The following ADAM22 variants were observed in gnomAD, a reference collection of about 807,000 sequenced individuals.
ADAM22 encodes the protein disintegrin and metalloproteinase domain-containing protein 22.
ADAM22 carries 65 observed loss-of-function variants against 144.6 expected under a neutral mutation model. The observed-to-expected ratio is 0.45, with a 90% confidence interval of 0.37 to 0.55. The LOEUF (loss-of-function observed/expected upper bound fraction) is 0.55. Among genes scored for constraint, ADAM22 ranks in the 20% least tolerant of loss-of-function variants. The pLI, the probability that ADAM22 is intolerant of heterozygous loss-of-function variation, is 0.00. For synonymous variants in ADAM22, 391 were observed against 412.6 expected (o/e 0.95, Z 0.63); for missense variants, 974 against 1,184.9 (o/e 0.82, Z 2.61).
At chr7:88,003,860 G>A (rs1793162903) in intron 3 of ADAM22, among the ~76,000 whole-genome samples, 1 of 152,162 alleles carries the variant, frequency 6.6e-6, no homozygotes, top group South Asian at 2.1e-4. Flanking sequence ...ACGAACATAT[G>A]GAACCAGGGA....
intron 2 of ADAM22, among the ~76,000 whole-genome samples, chr7:87,958,729 G>A (rs1305941212): frequency 1.3e-5 from 2 of 152,078 alleles, no homozygotes; most frequent in African/African-American, 4.8e-5. Context: ...ATGGTATCTA[G>A]TTATTTTACT....
chr7:88,139,418 C>CTAAA (rs35764191), intron 14 of ADAM22, among the ~76,000 whole-genome samples: 13,920 of 146,136 alleles, frequency 0.095, 909 homozygotes, highest in African/African-American at 0.17. Flanking sequence ...GACTCCATCT[C>CTAAA]TAAATAAATA....
At position 88,202,234 on chromosome 7, in the gene ADAM22, TAACTGCAA is replaced by T. The variant is rs1851253262; in HGVS notation, c.*5750_*5757del. 6.6e-6 allele frequency: 1 copy of T among 152,112 alleles called. No individual in the cohort carries two copies. Among genetic ancestry groups the T allele is most frequent in the African/African-American group, 2.4e-5 (1 of 41,410 alleles). The allele number at this position is 152,112 out of a possible 1,614,324, so 9.4% of individuals were successfully genotyped here. A position where few individuals can be genotyped will look rare whatever the true frequency, so the allele number is the denominator to read the frequency against. ...GTATGGAAAACTTTTTTTTTTACAC[TAACTGCAA>T]AACTGCTTTAAAAAAAGGCTTATTC... On this transcript the variant is annotated 3_prime_UTR_variant, in exon 32 of 32. Coordinates refer to ENST00000413139, the MANE Select transcript of ADAM22 (RefSeq NM_001324418.2).
chr7:88,119,336 T>C (rs934293910), intron 7 of ADAM22, among the ~76,000 whole-genome samples: 16 of 152,244 alleles, frequency 1.1e-4, no homozygotes, highest in African/African-American at 2.2e-4. Flanking sequence ...ACCTCTGCCA[T>C]TCCTTTTGTC....
intron 4 of ADAM22, among the ~76,000 whole-genome samples, chr7:88,101,037 T>C (rs1193439235): frequency 6.6e-6 from 1 of 150,874 alleles, no homozygotes; most frequent in Non-Finnish European, 1.5e-5. Context: ...GACAGGCCGT[T>C]AGTTCCTGCA....
At position 88,109,782 on chromosome 7, in the gene ADAM22, G is replaced by T. The variant is rs375906213; in HGVS notation, c.473+1524G>T. ...AAAATGCAAGCTAAGCATTGTCACC[G>T]AAGAACAGGTGGCACCTAAGGGCTC... On this transcript the variant is annotated intron_variant, in intron 5 of 31. Coordinates refer to ENST00000413139, the MANE Select transcript of ADAM22 (RefSeq NM_001324418.2). Among the ~76,000 whole-genome samples, 15 of 151,658 alleles carry T rather than the reference G, an allele frequency of 9.9e-5. No homozygotes were observed. In the South Asian group the frequency reaches 1.9e-3, roughly 19 times the overall value.
intron 8 of ADAM22, 55 bp from the exon 9 acceptor site, chr7:88,128,547 T>C: frequency 1.4e-6 from 2 of 1,440,692 alleles, no homozygotes; most frequent in Admixed American, 1.7e-5. Flanking sequence ...TTTTAGCTTT[T>C]CGCAGCCAAG....
chr7:88,182,305 G>A (rs1253293217), intron 29 of ADAM22, among the ~76,000 whole-genome samples: 1 of 152,082 alleles, frequency 6.6e-6, no homozygotes, highest in Non-Finnish European at 1.5e-5. Context: ...TCTATATGAA[G>A]GGAATTTGAT....
At chr7:88,114,531 G>A in intron 5 of ADAM22, 53 bp from the exon 6 acceptor site, 1 of 1,555,352 alleles carries the variant, frequency 6.4e-7, no homozygotes, top group Non-Finnish European at 8.9e-7. Context: ...AAATGATCTT[G>A]TTCTGGGATG....
Position 88,132,940 on chromosome 7 carries a change from G to A in ADAM22, c.1066G>A (p.Gly356Ser). The change falls in exon 12 of 32, where the codon GGC becomes AGC. Residue 356 changes from glycine to serine, a missense_variant. Transcript: ENST00000413139. ...GATTTGCTCGTTGCTGAAAGGAGGA[G>A]GCGTGAATGAAGTAGGTGTGAACAT... ...GGICSLLKGG[G>S]VNEFGKTDLM... 1.2e-6 allele frequency: 2 copies of A among 1,613,914 alleles called. No individual in the cohort carries two copies. Among genetic ancestry groups the A allele is most frequent in the Non-Finnish European group, 1.7e-6 (2 of 1,179,880 alleles).
intron 5 of ADAM22, among the ~76,000 whole-genome samples, chr7:88,114,325 A>G (rs1827185592): frequency 6.6e-6 from 1 of 152,162 alleles, no homozygotes; most frequent in South Asian, 2.1e-4. Context: ...TGTTAGAGGA[A>G]GAAGTGATGG....
At chr7:88,002,047 C>A (rs947315387) in intron 3 of ADAM22, among the ~76,000 whole-genome samples, 6 of 152,024 alleles carry the variant, frequency 3.9e-5, no homozygotes, top group Non-Finnish European at 5.9e-5. Flanking sequence ...ATGTTATAAA[C>A]TTTGCCAAGT....
intron 8 of ADAM22, 77 bp from the exon 9 acceptor site, chr7:88,128,525 T>G: frequency 1.7e-6 from 2 of 1,187,610 alleles, no homozygotes; most frequent in Non-Finnish European, 2.5e-6. Flanking sequence ...TTTTGTCAGT[T>G]TCTTCCATAT....
At chr7:88,136,526 G>T (rs1487092511) in intron 14 of ADAM22, among the ~76,000 whole-genome samples, 1 of 151,906 alleles carries the variant, frequency 6.6e-6, no homozygotes. Flanking sequence ...CTGCTCTCCC[G>T]AGAAAGGTTT....
At position 87,935,108 on chromosome 7, in the gene ADAM22, C is replaced by T; in HGVS notation, c.168C>T (p.Ile56=). ...ERQSIVPLRL[I]YRSGGEDESR... is the part of the protein sequence containing the mutation. ...AGAGCATCGTGCCACTGCGCCTCATCTACCGCTCGGGCGGCGAAGACGAAA... is the reference window on the plus strand; with the variant it reads ...AGAGCATCGTGCCACTGCGCCTCATTTACCGCTCGGGCGGCGAAGACGAAA... Residue 56 remains isoleucine, a synonymous_variant, in exon 2 of 32, where the codon ATC becomes ATT. Coordinates refer to ENST00000413139, the MANE Select transcript of ADAM22 (RefSeq NM_001324418.2). 6.2e-7 allele frequency: 1 copy of T among 1,614,004 alleles called. No individual in the cohort carries two copies. The highest frequency in any genetic ancestry group is 1.3e-5 in the African/African-American group (1 of 75,056).
At chr7:87,986,958 CT>C (rs1051486436) in intron 3 of ADAM22, among the ~76,000 whole-genome samples, 12 of 151,920 alleles carry the variant, frequency 7.9e-5, no homozygotes, top group African/African-American at 2.9e-4. Flanking sequence ...GAAATGATTG[CT>C]GTATATTTTT....
Position 88,197,118 on chromosome 7 carries a change from C to G in ADAM22, c.*627C>G, listed in dbSNP as rs765797916. The G allele has an allele frequency of 6.6e-6, 1 of 152,124 alleles. No individual in the cohort carries two copies. Among genetic ancestry groups the G allele is most frequent in the Non-Finnish European group, 1.5e-5 (1 of 68,066 alleles). 9.4% of individuals were successfully genotyped at this position (152,124 alleles called of 1,614,324 possible). ...TACAAGGACAATTGTATATATGTAA[C>G]ATTTTTAAAATTTTAAAAAAATGCA... On this transcript the variant is annotated 3_prime_UTR_variant, in exon 32 of 32. Transcript: ENST00000413139.
chr7:88,193,327 C>A, intron 31 of ADAM22, 88 bp downstream of exon 31: 1 of 1,422,730 alleles, frequency 7.0e-7, no homozygotes, highest in Non-Finnish European at 9.4e-7. Flanking sequence ...AACCATTTTT[C>A]CTCCCTTGTT....
At chr7:88,005,720 A>C (rs142013485) in intron 3 of ADAM22, among the ~76,000 whole-genome samples, 2,677 of 152,296 alleles carry the variant, frequency 0.018, 27 homozygotes, top group Middle Eastern at 0.034. Flanking sequence ...ATATGATACA[A>C]GGCTAGGTCC....
Sources: allele counts gnomAD v4.1 joint callset (sites outside exome capture counted in the v4.1 genomes callset), GRCh38; gene constraint gnomAD v4.1.1; transcripts MANE v1.5; gene names NCBI Gene and HGNC (gene_info 2026-07-23, HGNC 2026-07-21).